CHL1: variants seen among roughly 807,000 people sequenced by gnomAD.
The protein encoded by CHL1 is neural cell adhesion molecule L1-like protein.
CHL1 carries 96 observed loss-of-function variants against 141.9 expected under a neutral mutation model. The ratio of observed to expected loss-of-function variants is 0.68; its 90% CI spans 0.57 to 0.80. The LOEUF (loss-of-function observed/expected upper bound fraction) is 0.80, where lower values mean the gene tolerates loss of function less well. Among genes scored for constraint, CHL1 ranks in the 30% least tolerant of loss-of-function variants. The pLI, the probability that CHL1 is intolerant of heterozygous loss-of-function variation, is 0.00. For missense variants in CHL1, 1,820 were observed against 1,457.2 expected (o/e 1.25, Z -4.05); for synonymous variants, 613 against 502.2 (o/e 1.22, Z -2.95).
At chr3:272,514 C>G (rs544497951) in intron 2 of CHL1, among the ~76,000 whole-genome samples, 1 of 152,200 alleles carries the variant, frequency 6.6e-6, no homozygotes, top group African/African-American at 2.4e-5. Flanking sequence ...GACCCATATT[C>G]TGTCCTCAGG....
intron 2 of CHL1, among the ~76,000 whole-genome samples, chr3:260,369 G>A (rs1694603385): frequency 6.6e-6 from 1 of 152,162 alleles, no homozygotes; most frequent in Non-Finnish European, 1.5e-5. Flanking sequence ...ATATAATTAT[G>A]CTGACTGTAT....
chr3:354,519 T>G (rs911089943), intron 10 of CHL1, 121 bp from the exon 11 acceptor site: 2 of 1,100,656 alleles, frequency 1.8e-6, no homozygotes, highest in Admixed American at 2.5e-5. Context: ...CAAAAAGAGC[T>G]ACTATGAAAC....
Position 281,790 on chromosome 3 carries a change from C to T in CHL1, c.-95+37098C>T, listed in dbSNP as rs150644546. Among the ~76,000 whole-genome samples the T allele has an allele frequency of 1.0e-3, 153 of 152,182 alleles. 4 individuals are homozygous for T. In the South Asian group the frequency reaches 0.02, roughly 20 times the overall value. ...GGCCAGGCTGGTCATGAACTCCTGG[C>T]CTCAAGTGATCTGCTTGCCTTGGCC... On this transcript the variant is annotated intron_variant, in intron 2 of 27. Transcript: ENST00000256509.
At chr3:388,670 G>A (rs1416391051) in intron 19 of CHL1, among the ~76,000 whole-genome samples, 2 of 151,150 alleles carry the variant, frequency 1.3e-5, no homozygotes, top group African/African-American at 4.8e-5. Flanking sequence ...TGGTCAAGGA[G>A]CTGGGAAATT....
chr3:379,052 T>C (rs1048470529), intron 16 of CHL1, among the ~76,000 whole-genome samples: 1 of 152,184 alleles, frequency 6.6e-6, no homozygotes, highest in Non-Finnish European at 1.5e-5. Context: ...CCCTTCTTTA[T>C]CATATGTCTA....
chr3:205,104 C>CTTTCTT lies in CHL1; in HGVS notation c.-175+8044_-175+8045insCTTTTT, dbSNP rs59728908. On this transcript the variant is annotated intron_variant, in intron 1 of 27. Transcript: ENST00000256509. ...CTTTTTCCTTTTTCTTTCTTTCTTT[C>CTTTCTT]TTTTTTTTTTTTTTTGGAGATAGGG... Among the ~76,000 whole-genome samples, 696 of 129,080 alleles carry CTTTCTT rather than the reference C, an allele frequency of 5.4e-3. 8 individuals carry two copies. Among genetic ancestry groups the CTTTCTT allele is most frequent in the East Asian group, 0.033 (147 of 4,484 alleles). 84.7% of individuals were successfully genotyped at this position (129,080 alleles called of 152,430 possible). A position where few individuals can be genotyped will look rare whatever the true frequency, so the allele number is the denominator to read the frequency against.
At chr3:397,204 T>G (rs964723598) in intron 24 of CHL1, among the ~76,000 whole-genome samples, 1 of 152,132 alleles carries the variant, frequency 6.6e-6, no homozygotes, top group Non-Finnish European at 1.5e-5. Context: ...TATACTAATA[T>G]CTCTGTTTTT....
rs4328791 is a variant in CHL1, at chr3:408,149, A to G, written c.*2438A>G. On this transcript the variant is annotated 3_prime_UTR_variant, in exon 28 of 28. Coordinates refer to ENST00000256509, the MANE Select transcript of CHL1 (RefSeq NM_006614.4). ...GATTTTCCCTCAGAAAATGAGTAAC[A>G]GAGTCCACGGCGTGCAATGGTAATT... The G allele has an allele frequency of 0.98, 148,527 of 152,196 alleles. 72,578 individuals are homozygous for G. Among genetic ancestry groups the G allele is most frequent in the East Asian group, 1 (5,178 of 5,178 alleles). The allele number at this position is 152,196 out of a possible 1,614,324, so 9.4% of individuals were successfully genotyped here.
chr3:299,964 G>T (rs981755429), intron 2 of CHL1, among the ~76,000 whole-genome samples: 2 of 152,170 alleles, frequency 1.3e-5, no homozygotes, highest in East Asian at 3.8e-4. Flanking sequence ...GTTGTTGGCC[G>T]CCTCTCCCTT....
intron 3 of CHL1, among the ~76,000 whole-genome samples, chr3:325,537 AG>A (rs1180457672): frequency 5.9e-5 from 9 of 152,124 alleles, no homozygotes; most frequent in Non-Finnish European, 1.2e-4. Flanking sequence ...ATAATGTAAA[AG>A]CAGTACATTA....
intron 2 of CHL1, among the ~76,000 whole-genome samples, chr3:298,045 G>A (rs1158887384): frequency 1.3e-5 from 2 of 152,142 alleles, no homozygotes; most frequent in Non-Finnish European, 2.9e-5. Flanking sequence ...AAGTGGACTT[G>A]TTTCTTCTAC....
At chr3:226,165 C>T (rs1193525855) in intron 1 of CHL1, among the ~76,000 whole-genome samples, 1 of 150,178 alleles carries the variant, frequency 6.7e-6, no homozygotes, top group Non-Finnish European at 1.5e-5. Flanking sequence ...GGACTACAGG[C>T]ATGCACCACT....
chr3:238,501 T>C (rs1358796660), intron 1 of CHL1, among the ~76,000 whole-genome samples: 1 of 152,198 alleles, frequency 6.6e-6, no homozygotes, highest in African/African-American at 2.4e-5. Context: ...AACATATGTG[T>C]ATTAAGCAAC....
intron 23 of CHL1, 46 bp from the exon 24 acceptor site, chr3:394,647 G>T (rs749455064): frequency 7.3e-7 from 1 of 1,362,636 alleles, no homozygotes; most frequent in Non-Finnish European, 1.0e-6. Context: ...AATGCAACTT[G>T]AATGGTTAAA....
At chr3:281,626 C>G (rs544417260) in intron 2 of CHL1, among the ~76,000 whole-genome samples, 2 of 149,192 alleles carry the variant, frequency 1.3e-5, no homozygotes, top group South Asian at 4.3e-4. Flanking sequence ...GTGGCACAAT[C>G]TCAGCTTACT....
chr3:255,266 T>C (rs1244236495), intron 2 of CHL1, among the ~76,000 whole-genome samples: 1 of 152,178 alleles, frequency 6.6e-6, no homozygotes, highest in Non-Finnish European at 1.5e-5. Flanking sequence ...AAAAGTCTCT[T>C]TCTTATTCAC....
chr3:385,891 A>C (rs1027569385), intron 19 of CHL1: 2 of 151,540 alleles, frequency 1.3e-5, no homozygotes, highest in Non-Finnish European at 2.9e-5. Context: ...GTCATTTAGT[A>C]ATTAATTGAC....
intron 2 of CHL1, among the ~76,000 whole-genome samples, chr3:284,220 G>T (rs942865011): frequency 2.0e-5 from 3 of 152,130 alleles, no homozygotes; most frequent in Admixed American, 6.5e-5. Flanking sequence ...AAGACAGGGG[G>T]GCTGCATGAG....
intron 5 of CHL1, among the ~76,000 whole-genome samples, chr3:332,689 G>C (rs1701534578): frequency 6.6e-6 from 1 of 152,146 alleles, no homozygotes; most frequent in Non-Finnish European, 1.5e-5. Flanking sequence ...GTTTGGATTT[G>C]AATTGACTTT....
Sources: gnomAD v4.1 joint callset for allele counts (sites outside exome capture counted in the v4.1 genomes callset) on GRCh38, gnomAD v4.1.1 for gene constraint, MANE v1.5 for transcripts, NCBI Gene and HGNC (gene_info 2026-07-23, HGNC 2026-07-21) for gene names.